The following ATP11C variants were observed in gnomAD, a reference collection of about 807,000 sequenced individuals.
The protein encoded by ATP11C is ATPase phospholipid transporting 11C (ATP11C blood group), also known as phospholipid-transporting ATPase IG.
In ATP11C, 36 loss-of-function variants were observed where a neutral mutation model predicts 97.4. That is an observed-to-expected ratio of 0.37 (90% CI 0.28 to 0.49). ATP11C has a LOEUF of 0.49. Among genes scored for constraint, ATP11C ranks in the 20% least tolerant of loss-of-function variants. The probability of loss-of-function intolerance (pLI) is 0.98; values close to 1 mark genes in which losing one functional copy is unlikely to be tolerated. For missense variants in ATP11C, 730 were observed against 824.6 expected (o/e 0.89, Z 1.40); for synonymous variants, 275 against 290.9 (o/e 0.95, Z 0.56).
At chrX:139,901,920 CCT>C (rs1448211778) in intron 1 of ATP11C, among the ~76,000 whole-genome samples, 1 of 109,562 alleles carries the variant, frequency 9.1e-6, no homozygotes, top group Non-Finnish European at 1.9e-5. Context: ...ATTTTTTTTT[CCT>C]CTGTTTTTCT....
At chrX:139,817,063 G>C in intron 3 of ATP11C, 120 bp from the exon 4 acceptor site, 1 of 372,685 alleles carries the variant, frequency 2.7e-6, no homozygotes, top group Non-Finnish European at 4.6e-6. Context: ...CAGTAGTAGG[G>C]TAAATATTAA....
At chrX:139,740,948 A>G (rs2081542239) in intron 27 of ATP11C, 43 bp downstream of exon 27, 2 of 838,195 alleles carry the variant, frequency 2.4e-6, no homozygotes, top group Non-Finnish European at 3.6e-6. Context: ...ACATGTATCT[A>G]CTTTGCTATT....
intron 1 of ATP11C, among the ~76,000 whole-genome samples, chrX:139,857,471 G>A (rs967724507): frequency 3.6e-5 from 4 of 111,344 alleles, no homozygotes; most frequent in African/African-American, 1.3e-4. Context: ...CCGATCACCT[G>A]CTCCACCCTA....
chrX:139,814,442 T>C (rs1228707253), intron 5 of ATP11C, among the ~76,000 whole-genome samples: 2 of 112,293 alleles, frequency 1.8e-5, no homozygotes, highest in African/African-American at 6.5e-5. Context: ...TGTAATTCAA[T>C]GTTCATAGCA....
intron 5 of ATP11C, among the ~76,000 whole-genome samples, chrX:139,809,692 G>A (rs1603380660): frequency 8.9e-6 from 1 of 112,116 alleles, no homozygotes; most frequent in African/African-American, 3.2e-5. Context: ...GGCCTGGCGC[G>A]GTGGCTCATG....
rs769919757 is a variant in ATP11C, at chrX:139,932,447, G to A, written c.-405C>T. On this transcript the variant is annotated 5_prime_UTR_variant, in exon 1 of 30. Coordinates refer to ENST00000682941, the MANE Select transcript of ATP11C (RefSeq NM_001353812.2). Reference sequence around the variant, plus strand: ...CGCCCCCGTCTCTCCGCCAGCGCCGGGCTCGGCACCCCGCGGGATGCGCTC... The same window carrying A: ...CGCCCCCGTCTCTCCGCCAGCGCCGAGCTCGGCACCCCGCGGGATGCGCTC... 9.1e-6 allele frequency: 1 copy of A among 109,689 alleles called. No homozygotes were observed. The highest frequency in any genetic ancestry group is 3.0e-4 in the East Asian group (1 of 3,323). 9.0% of individuals were successfully genotyped at this position (109,689 alleles called of 1,213,427 possible).
At position 139,745,842 on chromosome X, in the gene ATP11C, A is replaced by T; in HGVS notation, c.2844T>A (p.Asn948Lys). 8.4e-7 allele frequency: 1 copy of T among 1,195,102 alleles called. No individual in the cohort carries two copies. Among genetic ancestry groups the T allele is most frequent in the Non-Finnish European group, 1.1e-6 (1 of 889,274 alleles). ...DPRLYMKISG[N>K]AMLQLGPFLY... ...AGAAGGGGCCCAACTGTAGCATGGC[A>T]TTGCCAGAAATTTTCCTATTGAGAA... Residue 948 changes from asparagine (N) to lysine (K), a missense_variant, in exon 25 of 30, where the codon AAT becomes AAA. Coordinates refer to ENST00000682941, the MANE Select transcript of ATP11C (RefSeq NM_001353812.2).
At chrX:139,820,438 T>C (rs1035195310) in intron 2 of ATP11C, among the ~76,000 whole-genome samples, 2 of 110,246 alleles carry the variant, frequency 1.8e-5, no homozygotes, top group African/African-American at 6.6e-5. Flanking sequence ...ATAAATAAAT[T>C]ATTTGGAGGA....
At chrX:139,862,830 T>C (rs2084224342) in intron 1 of ATP11C, among the ~76,000 whole-genome samples, 1 of 111,987 alleles carries the variant, frequency 8.9e-6, no homozygotes, top group Non-Finnish European at 1.9e-5. Flanking sequence ...ATGTATACAG[T>C]TCTTCCAGAG....
intron 1 of ATP11C, among the ~76,000 whole-genome samples, chrX:139,900,450 AG>A (rs1244367792): frequency 1.8e-5 from 2 of 111,284 alleles, no homozygotes; most frequent in Admixed American, 9.6e-5. Context: ...TAAGCTTTAG[AG>A]GGAAAAAAAA....
At chrX:139,857,478 CCTAACTCATTCCGATCACCTGCTCCACT>C (rs1323122988) in intron 1 of ATP11C, among the ~76,000 whole-genome samples, 2 of 111,435 alleles carry the variant, frequency 1.8e-5, no homozygotes, top group African/African-American at 3.3e-5. Context: ...CCTGCTCCAC[CCTAACTCATTCCGATCACCTGCTCCACT>C]CTAACTCATT....
intron 1 of ATP11C, among the ~76,000 whole-genome samples, chrX:139,859,872 C>T (rs184281130): frequency 1.2e-5 from 1 of 81,619 alleles, no homozygotes; most frequent in Non-Finnish European, 2.0e-5. Context: ...GAGGCCGAGG[C>T]GGGCGGATCA....
At chrX:139,769,224 T>C (rs1216117646) in intron 19 of ATP11C, among the ~76,000 whole-genome samples, 1 of 91,301 alleles carries the variant, frequency 1.1e-5, no homozygotes, top group East Asian at 3.8e-4. Flanking sequence ...AATCATCAAT[T>C]AGTCTGAAAC....
chrX:139,912,501 T>C (rs1352650599), intron 1 of ATP11C, among the ~76,000 whole-genome samples: 1 of 111,101 alleles, frequency 9.0e-6, no homozygotes, highest in Non-Finnish European at 1.9e-5. Flanking sequence ...GAATATTACA[T>C]TTTTAAATGA....
chrX:139,848,878 A>G (rs1361276039), intron 1 of ATP11C, among the ~76,000 whole-genome samples: 1 of 112,182 alleles, frequency 8.9e-6, no homozygotes, highest in Non-Finnish European at 1.9e-5. Context: ...TGCTTTCTTC[A>G]TTCCTGCATG....
chrX:139,757,160 A>G (rs1361876551), intron 23 of ATP11C, among the ~76,000 whole-genome samples: 1 of 110,708 alleles, frequency 9.0e-6, no homozygotes, highest in Non-Finnish European at 1.9e-5. Flanking sequence ...TGGCAAAATC[A>G]CTGAACTTCT....
rs1328249935 is a variant in ATP11C at position 139,852,556 on chromosome X, A to G, written c.28-25733T>C. On this transcript the variant is annotated intron_variant, in intron 1 of 29. Coordinates refer to ENST00000682941, the MANE Select transcript of ATP11C (RefSeq NM_001353812.2). ...CTCTGTGCGCAGACCAAGGAAGGATAAGCCGCGGGAGCCGTAAAGTACTTC... is the reference window on the plus strand; with the variant it reads ...CTCTGTGCGCAGACCAAGGAAGGATGAGCCGCGGGAGCCGTAAAGTACTTC... 1.2e-4 allele frequency among the ~76,000 whole-genome samples: 12 copies of G among 98,034 alleles called. 1 individual carries two copies. In the Admixed American group the frequency reaches 1.4e-3, roughly 12 times the overall value. The allele number at this position is 98,034 out of a possible 115,157, so 85.1% of individuals were successfully genotyped here.
chrX:139,904,838 C>T (rs2084950977), intron 1 of ATP11C, among the ~76,000 whole-genome samples: 1 of 111,642 alleles, frequency 9.0e-6, no homozygotes, highest in Non-Finnish European at 1.9e-5. Flanking sequence ...GTAGATCCCT[C>T]AGAGAAGGCC....
chrX:139,888,239 T>G (rs2084676416), intron 1 of ATP11C, among the ~76,000 whole-genome samples: 1 of 107,880 alleles, frequency 9.3e-6, no homozygotes, highest in African/African-American at 3.4e-5. Flanking sequence ...GTTCAGGTGA[T>G]TCTCCTGCCT....
Sources: gnomAD v4.1 joint callset for allele counts (sites outside exome capture counted in the v4.1 genomes callset) on GRCh38, gnomAD v4.1.1 for gene constraint, MANE v1.5 for transcripts, NCBI Gene and HGNC (gene_info 2026-07-23, HGNC 2026-07-21) for gene names.